ZFPM2: variants seen among roughly 807,000 people sequenced by gnomAD.
The protein encoded by ZFPM2 is zinc finger protein, FOG family member 2, also known as zinc finger protein ZFPM2.
In ZFPM2, 20 loss-of-function variants were observed where a neutral mutation model predicts 98.6. That is an observed-to-expected ratio of 0.20 (90% CI 0.14 to 0.29). The LOEUF (loss-of-function observed/expected upper bound fraction) is 0.29. Among genes scored for constraint, ZFPM2 ranks in the 10% least tolerant of loss-of-function variants. The pLI is 1.00. For missense variants in ZFPM2, 1,310 were observed against 1,388.6 expected, an observed-to-expected ratio of 0.94 and a Z score of 0.90; for synonymous variants, 518 against 502.7, an observed-to-expected ratio of 1.03 and a Z score of -0.41.
chr8:105,511,063 G>A (rs1426877358), intron 3 of ZFPM2, among the ~76,000 whole-genome samples: 5 of 152,190 alleles, frequency 3.3e-5, no homozygotes, highest in Non-Finnish European at 7.3e-5. Context: ...ATAGCACTCA[G>A]GAATGCTGTC....
chr8:105,418,506 A>G (rs1811726822), intron 1 of ZFPM2: 1 of 512,766 alleles, frequency 2.0e-6, no homozygotes, highest in Non-Finnish European at 3.9e-6. Flanking sequence ...AAAGTATCAC[A>G]TAAATACAAA....
chr8:105,728,789 A>G (rs1056210586), intron 5 of ZFPM2, among the ~76,000 whole-genome samples: 2 of 151,800 alleles, frequency 1.3e-5, no homozygotes, highest in African/African-American at 2.4e-5. Flanking sequence ...CAGTTGCACT[A>G]TTAAATAGAG....
intron 5 of ZFPM2, among the ~76,000 whole-genome samples, chr8:105,699,072 T>C (rs1378554916): frequency 6.6e-6 from 1 of 152,184 alleles, no homozygotes; most frequent in African/African-American, 2.4e-5. Flanking sequence ...TTACCTAATG[T>C]CAGACTTAAG....
intron 3 of ZFPM2, among the ~76,000 whole-genome samples, chr8:105,505,928 T>A (rs1420245458): frequency 2.8e-5 from 4 of 141,650 alleles, no homozygotes; most frequent in African/African-American, 1.2e-4. Context: ...GGAGGAAAAA[T>A]ATATTGTAAC....
intron 1 of ZFPM2, among the ~76,000 whole-genome samples, chr8:105,413,722 C>A (rs1363433457): frequency 2.0e-5 from 3 of 151,602 alleles, no homozygotes. Context: ...TTTTCATTTT[C>A]ATTGATTAAG....
At chr8:105,471,195 C>T (rs762576046) in intron 3 of ZFPM2, among the ~76,000 whole-genome samples, 41 of 152,160 alleles carry the variant, frequency 2.7e-4, no homozygotes, top group African/African-American at 7.7e-4. Context: ...ACTATGTATA[C>T]GTTCAGTCTC....
At chr8:105,613,859 G>A (rs1816359917) in intron 4 of ZFPM2, among the ~76,000 whole-genome samples, 1 of 152,130 alleles carries the variant, frequency 6.6e-6, no homozygotes, top group Non-Finnish European at 1.5e-5. Context: ...TTTATAAAAA[G>A]AATGGAAGGT....
intron 4 of ZFPM2, among the ~76,000 whole-genome samples, chr8:105,614,217 ATTTCTG>A (rs1373395562): frequency 2.6e-5 from 4 of 152,178 alleles, no homozygotes; most frequent in South Asian, 2.1e-4. Flanking sequence ...GTTAATTATT[ATTTCTG>A]TTTCTAACTT....
At chr8:105,463,484 TAGC>T (rs1461476142) in intron 3 of ZFPM2, among the ~76,000 whole-genome samples, 2 of 152,016 alleles carry the variant, frequency 1.3e-5, no homozygotes, top group African/African-American at 2.4e-5. Flanking sequence ...GATTGGTTAT[TAGC>T]AGTATTACAG....
At chr8:105,785,077 T>A (rs1244820353) in intron 5 of ZFPM2, 4 of 128,394 alleles carry the variant, frequency 3.1e-5, no homozygotes, top group Admixed American at 2.9e-4. Flanking sequence ...GTTTCTTTGG[T>A]GATCCTCTTT....
intron 3 of ZFPM2, among the ~76,000 whole-genome samples, chr8:105,509,076 A>G (rs1400057871): frequency 6.6e-6 from 1 of 152,172 alleles, no homozygotes; most frequent in African/African-American, 2.4e-5. Context: ...AAAGGCCTAT[A>G]TATAGCAGCA....
intron 6 of ZFPM2, among the ~76,000 whole-genome samples, chr8:105,791,576 C>T (rs1272622203): frequency 6.6e-6 from 1 of 152,080 alleles, no homozygotes; most frequent in African/African-American, 2.4e-5. Context: ...CTCTGCCCGG[C>T]TTTGGTATCA....
At chr8:105,494,429 C>T (rs1164062643) in intron 3 of ZFPM2, among the ~76,000 whole-genome samples, 2 of 151,596 alleles carry the variant, frequency 1.3e-5, no homozygotes, top group East Asian at 3.9e-4. Context: ...GTATCTGTCT[C>T]TATCCCTAGG....
chr8:105,412,413 T>A lies in ZFPM2; in HGVS notation c.41-6731T>A, dbSNP rs139508790. 1.3e-3 allele frequency among the ~76,000 whole-genome samples: 202 copies of A among 151,774 alleles called. 1 individual carries two copies. Among genetic ancestry groups the A allele is most frequent in the African/African-American group, 4.8e-3 (200 of 41,420 alleles). ...AGTTGGTACAGATATAAAAAAGAGG[T>A]ACAGCTATGAGCAAAAGCCCAAAAT... On this transcript the variant is annotated intron_variant, in intron 1 of 7. Coordinates refer to ENST00000407775, the MANE Select transcript of ZFPM2 (RefSeq NM_012082.4).
intron 3 of ZFPM2, among the ~76,000 whole-genome samples, chr8:105,543,794 G>T (rs183119427): frequency 6.6e-6 from 1 of 151,734 alleles, no homozygotes; most frequent in African/African-American, 2.4e-5. Flanking sequence ...TATTCCAGGC[G>T]TAATACTACA....
At chr8:105,676,929 A>G (rs540697810) in intron 5 of ZFPM2, among the ~76,000 whole-genome samples, 3 of 152,226 alleles carry the variant, frequency 2.0e-5, no homozygotes, top group Non-Finnish European at 4.4e-5. Flanking sequence ...ATATAGATTC[A>G]TTTCTAATAT....
intron 2 of ZFPM2, among the ~76,000 whole-genome samples, chr8:105,423,887 A>G (rs1811852775): frequency 6.6e-6 from 1 of 152,184 alleles, no homozygotes. Context: ...GTAAAGTGAA[A>G]TAAACATGTT....
chr8:105,717,136 G>A (rs922838013), intron 5 of ZFPM2, among the ~76,000 whole-genome samples: 2 of 152,048 alleles, frequency 1.3e-5, no homozygotes, highest in East Asian at 3.9e-4. Context: ...TGATAGGTCA[G>A]CAGTTATTAC....
At chr8:105,694,207 C>T (rs534922007) in intron 5 of ZFPM2, among the ~76,000 whole-genome samples, 52 of 151,848 alleles carry the variant, frequency 3.4e-4, no homozygotes, top group Non-Finnish European at 1.5e-5. Flanking sequence ...AGGATGGTCT[C>T]AATCTCCTGA....
Sources: allele counts gnomAD v4.1 joint callset (sites outside exome capture counted in the v4.1 genomes callset), GRCh38; gene constraint gnomAD v4.1.1; transcripts MANE v1.5; gene names NCBI Gene and HGNC (gene_info 2026-07-23, HGNC 2026-07-21).